The following PHACTR3 variants were observed in gnomAD, a reference collection of about 807,000 sequenced individuals.
PHACTR3 encodes the protein phosphatase and actin regulator 3.
Under a neutral mutation model 66.8 loss-of-function variants are expected in PHACTR3, and 16 were observed. The ratio of observed to expected loss-of-function variants is 0.24; its 90% CI spans 0.16 to 0.36. The LOEUF is 0.36. PHACTR3 is among the 10% of genes least tolerant of loss of function. PHACTR3 has a pLI of 1.00. For missense variants in PHACTR3, 647 were observed against 719.9 expected, an observed-to-expected ratio of 0.90 and a Z score of 1.16; for synonymous variants, 323 against 292.1, an observed-to-expected ratio of 1.11 and a Z score of -1.08.
chr20:59,814,667 T>C (rs76928684), intron 8 of PHACTR3, among the ~76,000 whole-genome samples: 19,142 of 152,086 alleles, frequency 0.13, 1,511 homozygotes, highest in East Asian at 0.27. Context: ...TTCCCTCCAG[T>C]TTCACACACT....
At chr20:59,695,469 G>A (rs1469307793) in intron 1 of PHACTR3, among the ~76,000 whole-genome samples, 2 of 152,136 alleles carry the variant, frequency 1.3e-5, no homozygotes, top group Non-Finnish European at 2.9e-5. Context: ...CGTGCTTCCT[G>A]TACAGCCTGT....
chr20:59,725,170 A>C (rs574878257), intron 1 of PHACTR3, among the ~76,000 whole-genome samples: 3 of 151,414 alleles, frequency 2.0e-5, no homozygotes, highest in East Asian at 2.0e-4. Flanking sequence ...CTGCGTGCTC[A>C]GTAAGGCTGT....
At position 59,604,843 on chromosome 20, in the gene PHACTR3, C is replaced by T. The variant is rs1209757838; in HGVS notation, c.-172C>T. ...TGTCTCCCCGCCCTGAAGCCAGCCC[C>T]GGCGTCTTTCTCCAGCTCGTTTCCT... On this transcript the variant is annotated 5_prime_UTR_variant, in exon 1 of 13. Transcript: ENST00000371015. 3.1e-5 allele frequency: 38 copies of T among 1,212,432 alleles called. No individual in the cohort carries two copies. The highest frequency in any genetic ancestry group is 3.6e-5 in the Non-Finnish European group (35 of 977,118). The allele number at this position is 1,212,432 out of a possible 1,614,324, so 75.1% of individuals were successfully genotyped here. A position where few individuals can be genotyped will look rare whatever the true frequency, so the allele number is the denominator to read the frequency against.
In PHACTR3 at chr20:59,606,311, C is replaced by A. The variant is rs562735902; in HGVS notation, c.118+1179C>A. On this transcript the variant is annotated intron_variant, in intron 1 of 12. Transcript: ENST00000371015. ...TGTGGGCACTGGATCCCTCCCCCCC[C>A]CATTTGAAAATTTAAACAATAAACC... Among the ~76,000 whole-genome samples the A allele has an allele frequency of 5.5e-3, 833 of 151,456 alleles. 8 individuals are homozygous for A. The highest frequency in any genetic ancestry group is 0.019 in the African/African-American group (768 of 41,466).
rs572184563 is a variant in PHACTR3, at chr20:59,724,715, C to A, written c.119-18392C>A. On this transcript the variant is annotated intron_variant, in intron 1 of 12. Transcript: ENST00000371015. ...TCACCTCAGCTTGAGGCATCTCTTT[C>A]AGGAAGTTTCTCCAGTTCCAGTACA... Among the ~76,000 whole-genome samples the A allele has an allele frequency of 5.3e-5, 8 of 152,324 alleles. No homozygotes were observed. In the South Asian group the frequency reaches 1.7e-3, roughly 32 times the overall value.
At chr20:59,764,344 G>C (rs1035747270) in intron 4 of PHACTR3, among the ~76,000 whole-genome samples, 2 of 151,854 alleles carry the variant, frequency 1.3e-5, no homozygotes, top group Admixed American at 1.3e-4. Context: ...TGCTTCCTTT[G>C]GTGGCACCTC....
At chr20:59,631,864 G>C (rs908441939) in intron 1 of PHACTR3, among the ~76,000 whole-genome samples, 19 of 152,136 alleles carry the variant, frequency 1.2e-4, no homozygotes, top group Non-Finnish European at 2.5e-4. Context: ...CTGTATGAAC[G>C]GGAATGCCTG....
chr20:59,650,095 C>G (rs2035413301), intron 1 of PHACTR3, among the ~76,000 whole-genome samples: 1 of 152,182 alleles, frequency 6.6e-6, no homozygotes, highest in East Asian at 1.9e-4. Flanking sequence ...GTCATATTTT[C>G]TATGACAGGT....
chr20:59,812,364 G>T (rs1009764406), intron 8 of PHACTR3, among the ~76,000 whole-genome samples: 1 of 152,202 alleles, frequency 6.6e-6, no homozygotes, highest in Admixed American at 6.5e-5. Flanking sequence ...TTCTCTGCAC[G>T]TTTTGTCCTG....
At chr20:59,728,519 C>T (rs1236840379) in intron 1 of PHACTR3, among the ~76,000 whole-genome samples, 2 of 152,094 alleles carry the variant, frequency 1.3e-5, no homozygotes, top group Non-Finnish European at 2.9e-5. Context: ...AAATGCCCAT[C>T]GACAGATCGA....
chr20:59,691,077 C>T (rs2037091030), intron 1 of PHACTR3, among the ~76,000 whole-genome samples: 1 of 152,136 alleles, frequency 6.6e-6, no homozygotes, highest in Non-Finnish European at 1.5e-5. Context: ...AGAGGCCTCC[C>T]ACTATAGGAT....
intron 1 of PHACTR3, among the ~76,000 whole-genome samples, chr20:59,645,685 C>T (rs762584678): frequency 1.1e-4 from 16 of 151,610 alleles, no homozygotes; most frequent in Admixed American, 3.9e-4. Flanking sequence ...GTGTGTGTGG[C>T]GTGTGTGTGT....
intron 3 of PHACTR3, among the ~76,000 whole-genome samples, chr20:59,752,256 GAC>G (rs1395191915): frequency 1.3e-5 from 2 of 152,200 alleles, no homozygotes; most frequent in East Asian, 1.9e-4. Context: ...CATGTGCCAC[GAC>G]ACACGTGTGT....
chr20:59,604,801 G>A lies in PHACTR3; in HGVS notation c.-214G>A. ...CGCGCACGCCGGGATGCGCCTGGCT[G>A]CAGCCGGCGAGGCTATTGTCTCCCC... On this transcript the variant is annotated 5_prime_UTR_variant, in exon 1 of 13. Coordinates refer to ENST00000371015, the MANE Select transcript of PHACTR3 (RefSeq NM_080672.5). 1 of 1,205,742 alleles carries A rather than the reference G, an allele frequency of 8.3e-7. No individual in the cohort carries two copies. The highest frequency in any genetic ancestry group is 1.0e-6 in the Non-Finnish European group (1 of 973,306). The allele number at this position is 1,205,742 out of a possible 1,614,324, so 74.7% of individuals were successfully genotyped here. A position where few individuals can be genotyped will look rare whatever the true frequency, so the allele number is the denominator to read the frequency against.
At chr20:59,775,869 C>T (rs2040521289) in intron 7 of PHACTR3, among the ~76,000 whole-genome samples, 1 of 152,202 alleles carries the variant, frequency 6.6e-6, no homozygotes, top group Admixed American at 6.5e-5. Flanking sequence ...GCGCTGGTGG[C>T]AAGAGGCCAG....
chr20:59,776,159 A>G (rs538978031), intron 7 of PHACTR3, among the ~76,000 whole-genome samples: 32 of 152,304 alleles, frequency 2.1e-4, no homozygotes, highest in Middle Eastern at 6.8e-3. Context: ...TGACATTGAC[A>G]ATGTCAGCAG....
chr20:59,840,915 C>A (rs571938796), intron 10 of PHACTR3, among the ~76,000 whole-genome samples: 1 of 152,312 alleles, frequency 6.6e-6, no homozygotes, highest in East Asian at 1.9e-4. Context: ...GGTAGCAACT[C>A]TATAAATCTT....
rs6100573 is a variant in PHACTR3, at chr20:59,744,554, G to A, written c.280+1286G>A. Among the ~76,000 whole-genome samples, 556 of 152,338 alleles carry A rather than the reference G, an allele frequency of 3.6e-3. 6 individuals are homozygous for A. Among genetic ancestry groups the A allele is most frequent in the African/African-American group, 0.012 (489 of 41,574 alleles). ...GCTCTGAAGAGGCGCAGGCTCCAGG[G>A]CTTTGAGGATGGTGGAGACGAAGGC... On this transcript the variant is annotated intron_variant, in intron 2 of 12. Transcript: ENST00000371015.
chr20:59,693,201 A>G (rs1001187401), intron 1 of PHACTR3, among the ~76,000 whole-genome samples: 7 of 152,316 alleles, frequency 4.6e-5, no homozygotes, highest in Middle Eastern at 6.8e-3. Flanking sequence ...GAGAATAAGC[A>G]TCGGCGTCTG....
Sources: gnomAD v4.1 joint callset for allele counts (sites outside exome capture counted in the v4.1 genomes callset) on GRCh38, gnomAD v4.1.1 for gene constraint, MANE v1.5 for transcripts, NCBI Gene and HGNC (gene_info 2026-07-23, HGNC 2026-07-21) for gene names.